The following OTOA variants were observed in gnomAD, a reference collection of about 807,000 sequenced individuals.
OTOA encodes the protein otoancorin, also known as cancer/testis antigen 108.
In OTOA, 70 loss-of-function variants were observed where a neutral mutation model predicts 110.8. That is an observed-to-expected ratio of 0.63 (90% confidence interval 0.52 to 0.77). The LOEUF is 0.77. Ranked by LOEUF, OTOA falls within the 30% of genes least tolerant of loss-of-function variation. The pLI is 0.00. For missense variants in OTOA, 917 were observed against 1,075.8 expected (o/e 0.85, Z 2.06); for synonymous variants, 373 against 431.5 (o/e 0.86, Z 1.68).
At chr16:21,688,746 G>C (rs1237696794) in intron 8 of OTOA, among the ~76,000 whole-genome samples, 2 of 151,978 alleles carry the variant, frequency 1.3e-5, no homozygotes, top group African/African-American at 4.8e-5. Context: ...CCATTCATGA[G>C]GTATCCAGCC....
chr16:21,732,758 T>A (rs576795023), intron 21 of OTOA, among the ~76,000 whole-genome samples: 11 of 149,208 alleles, frequency 7.4e-5, no homozygotes, highest in African/African-American at 2.4e-4. Context: ...TTAAAGCAAA[T>A]GTAAGCCAAG....
At chr16:21,732,218 G>A (rs1457451120) in intron 21 of OTOA, among the ~76,000 whole-genome samples, 1 of 152,168 alleles carries the variant, frequency 6.6e-6, no homozygotes, top group African/African-American at 2.4e-5. Flanking sequence ...TGCCCGCCTC[G>A]GCCTCCCAAG....
rs71151648 is a variant in OTOA, at chr16:21,695,866, G to GATATAT, written c.740-1888_740-1883dup. ...ACTTGAAGTCTGATCCTAGACTTGA[G>GATATAT]ATATATATATATATATATATATATA... is the stretch of plus-strand genomic sequence containing the variant. On this transcript the variant is annotated intron_variant, in intron 9 of 28. Coordinates refer to ENST00000646100, the MANE Select transcript of OTOA (RefSeq NM_144672.4). Among the ~76,000 whole-genome samples the GATATAT allele has an allele frequency of 4.6e-3, 331 of 72,632 alleles. 12 individuals carry two copies. The highest frequency in any genetic ancestry group is 0.016 in the South Asian group (26 of 1,636). 47.6% of individuals were successfully genotyped at this position (72,632 alleles called of 152,430 possible).
At chr16:21,676,008 GC>G (rs1966856986) in intron 1 of OTOA, among the ~76,000 whole-genome samples, 1 of 152,118 alleles carries the variant, frequency 6.6e-6, no homozygotes, top group Non-Finnish European at 1.5e-5. Context: ...GCTCATTGCA[GC>G]CTCAACTTTC....
At chr16:21,671,753 A>G (rs969134736) in intron 1 of OTOA, among the ~76,000 whole-genome samples, 22 of 152,202 alleles carry the variant, frequency 1.4e-4, no homozygotes, top group African/African-American at 5.3e-4. Context: ...GTATAAATTT[A>G]CAGGCAATAC....
intron 9 of OTOA, among the ~76,000 whole-genome samples, chr16:21,694,804 A>G (rs759577317): frequency 1.3e-5 from 2 of 152,194 alleles, no homozygotes; most frequent in South Asian, 4.1e-4. Context: ...CATAATGAAC[A>G]TTAAACAACA....
At chr16:21,737,895 A>G (rs1160856908) in intron 22 of OTOA, among the ~76,000 whole-genome samples, 2 of 152,312 alleles carry the variant, frequency 1.3e-5, no homozygotes, top group Non-Finnish European at 2.9e-5. Context: ...GACAAAGTTA[A>G]TCACCCCCAG....
chr16:21,737,201 G>A (rs1228385223), intron 22 of OTOA, among the ~76,000 whole-genome samples: 1 of 152,272 alleles, frequency 6.6e-6, no homozygotes, highest in African/African-American at 2.4e-5. Flanking sequence ...TCTTTAATAA[G>A]TATTATATAT....
intron 6 of OTOA, among the ~76,000 whole-genome samples, chr16:21,684,763 T>C (rs1344555613): frequency 2.7e-4 from 4 of 14,684 alleles, no homozygotes; most frequent in Non-Finnish European, 1.5e-3. Flanking sequence ...ATTATTATTA[T>C]TATTTTTTAG....
rs1966867350 is a variant in OTOA at position 21,678,535 on chromosome 16, A to G, written c.21A>G (p.Thr7=). 6 of 1,613,852 alleles carry G rather than the reference A, an allele frequency of 3.7e-6. No homozygotes were observed. The highest frequency in any genetic ancestry group is 4.5e-5 in the East Asian group (2 of 44,854). MSQEPT[T]YSLFLFLFLS... ...GGAGAATGTCTCAGGAACCTACGAC[A>G]TACTCCCTTTTCCTATTCCTTTTTC... The change falls in exon 2 of 29, where the codon ACA becomes ACG. Residue 7 remains threonine (T), a synonymous_variant. Transcript: ENST00000646100.
chr16:21,710,789 C>A (rs763731654), intron 13 of OTOA, among the ~76,000 whole-genome samples: 2 of 152,040 alleles, frequency 1.3e-5, no homozygotes, highest in South Asian at 2.1e-4. Context: ...GATCACCTGA[C>A]GCCAGGAGTT....
intron 1 of OTOA, among the ~76,000 whole-genome samples, chr16:21,674,481 G>A (rs1003005663): frequency 4.0e-5 from 6 of 151,884 alleles, no homozygotes; most frequent in East Asian, 1.9e-4. Flanking sequence ...CTACAGGCAT[G>A]AGCCACCATG....
At chr16:21,664,955 C>T (rs1343122260) in intron 1 of OTOA, among the ~76,000 whole-genome samples, 1 of 151,506 alleles carries the variant, frequency 6.6e-6, no homozygotes, top group African/African-American at 2.4e-5. Context: ...CTGGGCGACA[C>T]AGGGAGACTC....
intron 13 of OTOA, among the ~76,000 whole-genome samples, chr16:21,711,620 C>T (rs1020613950): frequency 6.6e-6 from 1 of 152,196 alleles, no homozygotes; most frequent in Non-Finnish European, 1.5e-5. Context: ...AGGCACCCAC[C>T]ACCACACCCA....
chr16:21,758,211 T>C (rs1900055863), intron 28 of OTOA, among the ~76,000 whole-genome samples: 1 of 151,956 alleles, frequency 6.6e-6, no homozygotes, highest in African/African-American at 2.4e-5. Flanking sequence ...TCTCACTTCT[T>C]TGTGATAACT....
intron 15 of OTOA, among the ~76,000 whole-genome samples, chr16:21,718,110 A>C (rs1898612072): frequency 6.6e-6 from 1 of 152,032 alleles, no homozygotes; most frequent in South Asian, 2.1e-4. Flanking sequence ...GGCACACACC[A>C]TCATGCCCGG....
chr16:21,736,140 T>C, intron 21 of OTOA, 121 bp from the exon 22 acceptor site: 1 of 873,364 alleles, frequency 1.1e-6, no homozygotes, highest in Non-Finnish European at 1.9e-6. Flanking sequence ...TAGATTTATA[T>C]GAGAAGTTGC....
In OTOA at chr16:21,678,919, G is replaced by T. The variant is rs372826296; in HGVS notation, c.96G>T (p.Leu32Phe). The T allele has an allele frequency of 1.9e-5, 30 of 1,613,082 alleles. No individual in the cohort carries two copies. In the East Asian group the frequency reaches 3.1e-4, roughly 17 times the overall value. The stretch of plus-strand genomic sequence containing the variant: ...CATTCAATGGCTTTCTTACAGATTT[G>T]CATCCATTGTTGCAAAACATGGCGG... ...SYTVPNSRQD[L>F]HPLLQNMAEE... is the part of the protein sequence containing the mutation. The change falls in exon 3 of 29, where the codon TTG becomes TTT. Residue 32 changes from leucine (L) to phenylalanine (F), a missense_variant. By Grantham distance (22) the Leu-to-Phe change is conservative. This residue lies in a region of OTOA where 840 missense variants were observed against 910.2 expected (regional missense o/e 0.92). Transcript: ENST00000646100.
At chr16:21,729,251 G>A (rs1899031648) in intron 20 of OTOA, among the ~76,000 whole-genome samples, 1 of 151,964 alleles carries the variant, frequency 6.6e-6, no homozygotes, top group Non-Finnish European at 1.5e-5. Context: ...TGCCTAGGTG[G>A]GTCTTGAACT....
Sources: allele counts gnomAD v4.1 joint callset (sites outside exome capture counted in the v4.1 genomes callset), GRCh38; gene constraint gnomAD v4.1.1; regional missense constraint gnomAD v4.1.1; transcripts MANE v1.5; gene names NCBI Gene and HGNC (gene_info 2026-07-23, HGNC 2026-07-21).